Variants in MFRP observed in about 807,000 individuals in gnomAD.
The protein encoded by MFRP is C1q and TNF related 5.
MFRP carries 74 observed loss-of-function variants against 65.8 expected under a neutral mutation model. That is an observed-to-expected ratio of 1.12 (90% confidence interval 0.93 to 1.36). The LOEUF is 1.36. Among genes scored for constraint, MFRP ranks in the 40% most tolerant of loss-of-function variants. The probability of loss-of-function intolerance (pLI) is 0.00; values close to 1 mark genes in which losing one functional copy is unlikely to be tolerated. For missense variants in MFRP, 838 were observed against 736.0 expected, an observed-to-expected ratio of 1.14 and a Z score of -1.60; for synonymous variants, 336 against 288.3, an observed-to-expected ratio of 1.17 and a Z score of -1.68.
rs943281232 is a variant in MFRP at position 119,346,595 on chromosome 11, C to G, written c.-82G>C. On this transcript the variant is annotated 5_prime_UTR_variant, in exon 1 of 15. Coordinates refer to ENST00000619721, the MANE Select transcript of MFRP (RefSeq NM_031433.4). Reference sequence around the variant, plus strand: ...GGCCCACTCGCTGACCACAAACTCCCTGTCAGAGGGGCAGCCTCTACTACC... The same window carrying G: ...GGCCCACTCGCTGACCACAAACTCCGTGTCAGAGGGGCAGCCTCTACTACC... The G allele has an allele frequency of 1.4e-6, 2 of 1,432,328 alleles. No individual in the cohort carries two copies. Among genetic ancestry groups the G allele is most frequent in the African/African-American group, 1.4e-5 (1 of 71,220 alleles). The allele number at this position is 1,432,328 out of a possible 1,614,324, so 88.7% of individuals were successfully genotyped here.
intron 8 of MFRP, 70 bp downstream of exon 8, chr11:119,344,245 A>T: frequency 1.4e-6 from 2 of 1,416,000 alleles, no homozygotes. Flanking sequence ...TGCCATTCCC[A>T]TTACACTAAC....
intron 12 of MFRP, 24 bp from the exon 13 acceptor site, chr11:119,341,796 G>A (rs752636189): frequency 1.2e-6 from 2 of 1,613,342 alleles, no homozygotes; most frequent in Middle Eastern, 1.7e-4. Context: ...GTGGCCTTCA[G>A]GCACCTGCTC....
Position 119,340,451 on chromosome 11 carries a change from G to C in MFRP, c.*854-11C>G, listed in dbSNP as rs1035186488. The C allele has an allele frequency of 2.6e-6, 4 of 1,512,734 alleles. No homozygotes were observed. Among genetic ancestry groups the C allele is most frequent in the African/African-American group, 1.4e-5 (1 of 71,876 alleles). The allele number at this position is 1,512,734 out of a possible 1,614,324, so 93.7% of individuals were successfully genotyped here. ...GGGTCCTCTCGCAGTCTGTGGACCA[G>C]GCAGGACTGGAGTCGGGACCCAGAA... On this transcript the variant is annotated splice_polypyrimidine_tract_variant and intron_variant, in intron 13 of 14. Coordinates refer to ENST00000619721, the MANE Select transcript of MFRP (RefSeq NM_031433.4).
intron 10 of MFRP, 27 bp downstream of exon 10, chr11:119,342,846 C>A (rs745827185): frequency 6.2e-7 from 1 of 1,613,080 alleles, no homozygotes; most frequent in African/African-American, 1.3e-5. Flanking sequence ...CTCTACTGCC[C>A]CCACCCACTT....
At position 119,341,726 on chromosome 11, in the gene MFRP, C is replaced by T. The variant is rs1950504628; in HGVS notation, c.1562G>A (p.Cys521Tyr). ...GGTGCAACGGGGCACAAGCAGCCCA[C>T]ACAGGAGCCTCCGGAAATGCTGGTA... Reference protein sequence around the residue: ...PCYQHFRRLLCGLLVPRCTPL... With the variant: ...PCYQHFRRLLYGLLVPRCTPL... Residue 521 changes from cysteine (C) to tyrosine (Y), a missense_variant, in exon 13 of 15, where the codon TGT becomes TAT. Coordinates refer to ENST00000619721, the MANE Select transcript of MFRP (RefSeq NM_031433.4). 2 of 1,613,308 alleles carry T rather than the reference C, an allele frequency of 1.2e-6. No homozygotes were observed. The highest frequency in any genetic ancestry group is 1.3e-5 in the African/African-American group (1 of 75,062).
At position 119,339,858 on chromosome 11, in the gene MFRP, A is replaced by AAGCGGGGCGGCAGGGTGAGAGT. The variant is rs1225205733; in HGVS notation, c.*1111-32_*1111-11dup. On this transcript the variant is annotated splice_polypyrimidine_tract_variant and intron_variant, in intron 14 of 14. Coordinates refer to ENST00000619721, the MANE Select transcript of MFRP (RefSeq NM_031433.4). The surrounding 1 kb of genome is among the most constrained non-coding windows in gnomAD (Gnocchi z 5.4). ...CGAGGTCCCGGCAGTCCTGCGGGGT[A>AAGCGGGGCGGCAGGGTGAGAGT]AGCGGGGCGGCAGGGTGAGAGTAGC... 1.7e-5 allele frequency: 25 copies of AAGCGGGGCGGCAGGGTGAGAGT among 1,464,994 alleles called. No homozygotes were observed. In the Admixed American group the frequency reaches 3.8e-4, roughly 22 times the overall value. 90.7% of individuals were successfully genotyped at this position (1,464,994 alleles called of 1,614,324 possible).
In MFRP at chr11:119,343,849, G is replaced by A. The variant is rs1021886344; in HGVS notation, c.1091C>T (p.Thr364Ile). The part of the protein sequence containing the change: ...CKFDYVEVYE[T>I]SSSGAFSLLG... ...GAGGCTGAAGGCCCCTGAGCTGCTGGTCTCATACACCTCCACGTAGTCAAA... is the reference window on the plus strand; with the variant it reads ...GAGGCTGAAGGCCCCTGAGCTGCTGATCTCATACACCTCCACGTAGTCAAA... The change falls in exon 9 of 15, where the codon ACC becomes ATC. Residue 364 changes from threonine (T) to isoleucine (I), a missense_variant. Coordinates refer to ENST00000619721, the MANE Select transcript of MFRP (RefSeq NM_031433.4). 1.9e-6 allele frequency: 3 copies of A among 1,613,842 alleles called. No individual in the cohort carries two copies. Among genetic ancestry groups the A allele is most frequent in the Non-Finnish European group, 2.5e-6 (3 of 1,179,906 alleles).
chr11:119,342,057 C>T (rs906722254), intron 11 of MFRP, 73 bp from the exon 12 acceptor site: 33 of 1,592,806 alleles, frequency 2.1e-5, no homozygotes, highest in Middle Eastern at 1.7e-4. Flanking sequence ...GTCACCGAAT[C>T]GCTCGGTCCT....
In MFRP at chr11:119,339,010, A is replaced by C; in HGVS notation, c.*1949T>G. The stretch of plus-strand genomic sequence containing the variant: ...GCCCCAGGAGCAGGAGGGGGTGGGG[A>C]GGATCCAGAGAAGCAGAGGACCAGG... On this transcript the variant is annotated 3_prime_UTR_variant, in exon 15 of 15. Coordinates refer to ENST00000619721, the MANE Select transcript of MFRP (RefSeq NM_031433.4). This position sits in a 1 kb window ranked among gnomAD's most constrained non-coding sequence, Gnocchi z 5.4. 3 of 279,604 alleles carry C rather than the reference A, an allele frequency of 1.1e-5. No individual in the cohort carries two copies. Among genetic ancestry groups the C allele is most frequent in the Non-Finnish European group, 2.0e-5 (3 of 148,142 alleles). The allele number at this position is 279,604 out of a possible 1,614,324, so 17.3% of individuals were successfully genotyped here.
At position 119,339,269 on chromosome 11, in the gene MFRP, T is replaced by A. The variant is rs9640; in HGVS notation, c.*1690A>T. The A allele has an allele frequency of 0.14, 216,962 of 1,558,354 alleles. 16,444 individuals are homozygous for A. The highest frequency in any genetic ancestry group is 0.25 in the African/African-American group (18,078 of 73,164). ...GGGGGGCCAGCCCTCCTGGATGACC[T>A]GGTTGTCAGCCTCACACCCTCCTTC... On this transcript the variant is annotated 3_prime_UTR_variant, in exon 15 of 15. Coordinates refer to ENST00000619721, the MANE Select transcript of MFRP (RefSeq NM_031433.4). This position sits in a 1 kb window ranked among gnomAD's most constrained non-coding sequence, Gnocchi z 5.4.
Position 119,339,633 on chromosome 11 carries a change from T to C in MFRP, c.*1326A>G. The C allele has an allele frequency of 6.2e-7, 1 of 1,612,890 alleles. No individual in the cohort carries two copies. The highest frequency in any genetic ancestry group is 1.1e-5 in the South Asian group (1 of 91,090). On this transcript the variant is annotated 3_prime_UTR_variant, in exon 15 of 15. Transcript: ENST00000619721. The surrounding 1 kb of genome is among the most constrained non-coding windows in gnomAD (Gnocchi z 5.4). ...TAGTAGACCCCAGGCACCTGGCAGG[T>C]GAACTTGCCGGTGACGGCGTCGTAA...
At chr11:119,344,046 C>T (rs1433508589) in intron 8 of MFRP, 82 bp from the exon 9 acceptor site, 3 of 1,562,788 alleles carry the variant, frequency 1.9e-6, no homozygotes, top group Non-Finnish European at 1.7e-6. Context: ...TCTTCCCCCA[C>T]TGCTGGCTGG....
intron 10 of MFRP, 37 bp downstream of exon 10, chr11:119,342,836 C>T (rs1331271595): frequency 6.2e-7 from 1 of 1,613,040 alleles, no homozygotes; most frequent in Non-Finnish European, 8.5e-7. Flanking sequence ...CTGGAGGTGC[C>T]TCTACTGCCC....
Position 119,344,918 on chromosome 11 carries a change from C to G in MFRP, c.728G>C (p.Gly243Ala), listed in dbSNP as rs751515203. 6.2e-7 allele frequency: 1 copy of G among 1,612,118 alleles called. No individual in the cohort carries two copies. Among genetic ancestry groups the G allele is most frequent in the Non-Finnish European group, 8.5e-7 (1 of 1,179,506 alleles). ...CTGGTACCAGGCATGGAAACCAAAT[C>G]CTTCCACACTGCTGTCAGAGACGAA... ...VVFVSDSSVE[G>A]FGFHAWYQAM... Residue 243 changes from glycine (G) to alanine (A), a missense_variant, in exon 6 of 15, where the codon GGA becomes GCA. Gly to Ala is a moderately conservative substitution (Grantham distance 60). Transcript: ENST00000619721.
In MFRP at chr11:119,341,074, G is replaced by A; in HGVS notation, c.*474C>T. On this transcript the variant is annotated 3_prime_UTR_variant, in exon 13 of 15. Transcript: ENST00000619721. ...GGGCCAGAGGAGAGGCAGGGCAGTG[G>A]CAGAGACCAAGGACCAGACCCCATT... 5.1e-6 allele frequency: 1 copy of A among 195,458 alleles called. No homozygotes were observed. Among genetic ancestry groups the A allele is most frequent in the South Asian group, 9.2e-5 (1 of 10,902 alleles). The allele number at this position is 195,458 out of a possible 1,614,324, so 12.1% of individuals were successfully genotyped here. A position where few individuals can be genotyped will look rare whatever the true frequency, so the allele number is the denominator to read the frequency against.
Position 119,339,530 on chromosome 11 carries a change from A to T in MFRP, c.*1429T>A. ...GGGCCACCCCCCGAAAAACTGGAAG[A>T]AAGAGGCAATGGATTCGCCATTCTT... On this transcript the variant is annotated 3_prime_UTR_variant, in exon 15 of 15. Coordinates refer to ENST00000619721, the MANE Select transcript of MFRP (RefSeq NM_031433.4). The surrounding 1 kb of genome is among the most constrained non-coding windows in gnomAD (Gnocchi z 5.4). 6.2e-7 allele frequency: 1 copy of T among 1,613,394 alleles called. No individual in the cohort carries two copies. The highest frequency in any genetic ancestry group is 8.5e-7 in the Non-Finnish European group (1 of 1,180,000).
At chr11:119,345,396 T>A (rs1357029998) in intron 5 of MFRP, 24 bp downstream of exon 5, 1 of 1,609,316 alleles carries the variant, frequency 6.2e-7, no homozygotes, top group African/African-American at 1.3e-5. Flanking sequence ...CACGGTGGGA[T>A]GTCCTGGGGA....
rs956797251 is a variant in MFRP at position 119,339,406 on chromosome 11, G to A, written c.*1553C>T. 4 of 1,613,388 alleles carry A rather than the reference G, an allele frequency of 2.5e-6. No individual in the cohort carries two copies. Among genetic ancestry groups the A allele is most frequent in the Non-Finnish European group, 3.4e-6 (4 of 1,179,472 alleles). On this transcript the variant is annotated 3_prime_UTR_variant, in exon 15 of 15. Transcript: ENST00000619721. The surrounding 1 kb of genome is among the most constrained non-coding windows in gnomAD (Gnocchi z 5.4). ...AGAAGGTGCTGTCTGTCTTGATGCT[G>A]GCATAGATGCCAATGTAGTCACCCA...
At chr11:119,346,195 C>T (rs779916157) in intron 2 of MFRP, 36 bp from the exon 3 acceptor site, 3 of 1,568,806 alleles carry the variant, frequency 1.9e-6, no homozygotes, top group Non-Finnish European at 2.6e-6. Context: ...AAAGCCCCTT[C>T]TGTTGGGTAT....
Sources: allele counts gnomAD v4.1 joint callset, GRCh38; gene constraint gnomAD v4.1.1; non-coding constraint Gnocchi (gnomAD v3.1); transcripts MANE v1.5; gene names NCBI Gene and HGNC (gene_info 2026-07-23, HGNC 2026-07-21).